The following ASPH variants were observed in gnomAD, a reference collection of about 807,000 sequenced individuals.
The protein encoded by ASPH is aspartate beta-hydroxylase.
ASPH carries 100 observed loss-of-function variants against 118.4 expected under a neutral mutation model. The observed-to-expected ratio is 0.84, with a 90% CI of 0.72 to 1.00. ASPH has a LOEUF of 1.00. Ranked by LOEUF, ASPH falls within the 50% of genes least tolerant of loss-of-function variation. ASPH has a pLI of 0.00. For synonymous variants in ASPH, 315 were observed against 325.6 expected (o/e 0.97, Z 0.35); for missense variants, 920 against 919.5 (o/e 1.00, Z -0.01).
chr8:61,622,567 C>T (rs1055629444), intron 13 of ASPH, among the ~76,000 whole-genome samples: 4 of 152,200 alleles, frequency 2.6e-5, no homozygotes, highest in Non-Finnish European at 5.9e-5. Context: ...CCAGTCCTCA[C>T]GTCACAGCTT....
chr8:61,512,663 T>C (rs1283427572), intron 24 of ASPH, among the ~76,000 whole-genome samples: 2 of 152,232 alleles, frequency 1.3e-5, no homozygotes, highest in Admixed American at 6.5e-5. Flanking sequence ...GTTACTTATC[T>C]TTATACTTCA....
At chr8:61,613,435 G>A (rs570964419) in intron 14 of ASPH, among the ~76,000 whole-genome samples, 1 of 152,260 alleles carries the variant, frequency 6.6e-6, no homozygotes, top group Non-Finnish European at 1.5e-5. Flanking sequence ...CATCCTGTTG[G>A]TTTTGTTTCT....
chr8:61,673,120 C>T (rs1160516504), intron 3 of ASPH, among the ~76,000 whole-genome samples: 1 of 152,152 alleles, frequency 6.6e-6, no homozygotes, highest in African/African-American at 2.4e-5. Context: ...CTGGATACAG[C>T]TCTATAAGAC....
chr8:61,564,715 A>C (rs1202386297), intron 17 of ASPH, among the ~76,000 whole-genome samples: 1 of 152,222 alleles, frequency 6.6e-6, no homozygotes, highest in African/African-American at 2.4e-5. Flanking sequence ...ACTGGTCCCT[A>C]TGAATATTAG....
chr8:61,640,095 C>T (rs904971970), intron 10 of ASPH, among the ~76,000 whole-genome samples: 2 of 152,208 alleles, frequency 1.3e-5, no homozygotes, highest in Non-Finnish European at 2.9e-5. Context: ...GAGGCCACTG[C>T]AGCGCCAGAT....
chr8:61,614,322 CATAG>C (rs778690131), intron 14 of ASPH, among the ~76,000 whole-genome samples: 2 of 152,166 alleles, frequency 1.3e-5, no homozygotes, highest in Non-Finnish European at 2.9e-5. Context: ...CACGTGCACA[CATAG>C]ATACACACAA....
At chr8:61,627,743 A>C (rs138195151) in intron 13 of ASPH, among the ~76,000 whole-genome samples, 1 of 152,200 alleles carries the variant, frequency 6.6e-6, no homozygotes, top group Non-Finnish European at 1.5e-5. Context: ...GTTCTACTAC[A>C]ATTTTGAACA....
chr8:61,636,203 G>A (rs1332126166), intron 12 of ASPH, among the ~76,000 whole-genome samples: 3 of 152,182 alleles, frequency 2.0e-5, no homozygotes, highest in Non-Finnish European at 4.4e-5. Context: ...AGATGGGTTT[G>A]GAGGGGACAA....
intron 17 of ASPH, among the ~76,000 whole-genome samples, chr8:61,564,273 G>C (rs1563834928): frequency 1.3e-5 from 2 of 151,560 alleles, no homozygotes; most frequent in Non-Finnish European, 2.9e-5. Context: ...ACTGAGGCAA[G>C]AGGAAAACTC....
chr8:61,595,757 C>T (rs944117998), intron 14 of ASPH, among the ~76,000 whole-genome samples: 5 of 152,200 alleles, frequency 3.3e-5, no homozygotes, highest in African/African-American at 1.2e-4. Flanking sequence ...CATCAGGAAG[C>T]CCAATAATAA....
chr8:61,586,236 G>C (rs1237980912), intron 14 of ASPH, among the ~76,000 whole-genome samples: 1 of 151,910 alleles, frequency 6.6e-6, no homozygotes, highest in African/African-American at 2.4e-5. Context: ...TATTCTTCAG[G>C]GTCAGTCTTC....
chr8:61,512,601 T>A (rs147131861), intron 24 of ASPH, among the ~76,000 whole-genome samples: 1 of 152,212 alleles, frequency 6.6e-6, no homozygotes, highest in East Asian at 1.9e-4. Context: ...CAGTTTGTGA[T>A]AATTTGTTGT....
At position 61,619,961 on chromosome 8, in the gene ASPH, G is replaced by A. The variant is rs116500033; in HGVS notation, c.935-942C>T. On this transcript the variant is annotated intron_variant, in intron 13 of 24. Transcript: ENST00000379454. ...CCCACAGAAGCTGCAAGAGGATGTCGGTGAGATCAGGGATGCGGTCAAGTG... is the reference window on the plus strand; with the variant it reads ...CCCACAGAAGCTGCAAGAGGATGTCAGTGAGATCAGGGATGCGGTCAAGTG... Among the ~76,000 whole-genome samples, 1,096 of 152,214 alleles carry A rather than the reference G, an allele frequency of 7.2e-3. 19 individuals carry two copies. The highest frequency in any genetic ancestry group is 0.025 in the African/African-American group (1,051 of 41,526).
At chr8:61,509,553 C>G (rs7009106) in intron 24 of ASPH, among the ~76,000 whole-genome samples, 13,948 of 152,146 alleles carry the variant, frequency 0.092, 1,861 homozygotes, top group African/African-American at 0.3. Context: ...GTTTTATCAG[C>G]AAGGTCTGTA....
intron 1 of ASPH, among the ~76,000 whole-genome samples, chr8:61,693,393 T>C (rs933929443): frequency 9.9e-5 from 15 of 152,218 alleles, no homozygotes; most frequent in African/African-American, 3.6e-4. Flanking sequence ...GGCTCCATCA[T>C]AATGACTGTA....
At chr8:61,614,423 C>A (rs1848392718) in intron 14 of ASPH, among the ~76,000 whole-genome samples, 1 of 152,168 alleles carries the variant, frequency 6.6e-6, no homozygotes, top group Non-Finnish European at 1.5e-5. Context: ...TATACTAAAT[C>A]AAGAACATAT....
chr8:61,608,367 T>G (rs1035597404), intron 14 of ASPH, among the ~76,000 whole-genome samples: 4 of 152,192 alleles, frequency 2.6e-5, no homozygotes, highest in Non-Finnish European at 5.9e-5. Flanking sequence ...CAGTAACAGC[T>G]GCCTCAACTA....
At chr8:61,646,945 T>G in intron 5 of ASPH, 67 bp from the exon 6 acceptor site, 1 of 1,602,060 alleles carries the variant, frequency 6.2e-7, no homozygotes, top group Admixed American at 1.7e-5. Flanking sequence ...TGTGAAGGGC[T>G]GCCACACACC....
In ASPH at chr8:61,643,140, G is replaced by C. The variant is rs1806083227; in HGVS notation, c.758-220C>G. On this transcript the variant is annotated intron_variant, in intron 9 of 24. Transcript: ENST00000379454. ...TTCTCAAATTGGCACAGAGGAATTT[G>C]ATACACAAAAACAGCATTAAAATTT... Among the ~76,000 whole-genome samples, 4 of 152,136 alleles carry C rather than the reference G, an allele frequency of 2.6e-5. No homozygotes were observed. In the South Asian group the frequency reaches 8.3e-4, roughly 31 times the overall value.
Sources: gnomAD v4.1 joint callset for allele counts (sites outside exome capture counted in the v4.1 genomes callset) on GRCh38, gnomAD v4.1.1 for gene constraint, MANE v1.5 for transcripts, NCBI Gene and HGNC (gene_info 2026-07-23, HGNC 2026-07-21) for gene names.